SRPK2: variants seen among roughly 807,000 people sequenced by gnomAD.
SRPK2 encodes the protein SFRS protein kinase 2.
SRPK2 carries 21 observed loss-of-function variants against 90.8 expected under a neutral mutation model. The ratio of observed to expected loss-of-function variants is 0.23; its 90% CI spans 0.16 to 0.33. The LOEUF (loss-of-function observed/expected upper bound fraction) is 0.33, where lower values mean the gene tolerates loss of function less well. Among genes scored for constraint, SRPK2 ranks in the 10% least tolerant of loss-of-function variants. The pLI is 1.00. For synonymous variants in SRPK2, 288 were observed against 311.1 expected (o/e 0.93, Z 0.78); for missense variants, 620 against 869.0 (o/e 0.71, Z 3.60).
At chr7:105,347,624 CG>C (rs1043889232) in intron 2 of SRPK2, among the ~76,000 whole-genome samples, 8 of 151,716 alleles carry the variant, frequency 5.3e-5, no homozygotes, top group Admixed American at 1.3e-4. Flanking sequence ...GAGACTGAGG[CG>C]GGAGGATCGC....
intron 15 of SRPK2, 62 bp downstream of exon 15, chr7:105,126,186 T>G: frequency 7.6e-7 from 1 of 1,321,076 alleles, no homozygotes; most frequent in Non-Finnish European, 1.1e-6. Context: ...AATGCTAAAA[T>G]CAGCAGCTGC....
At chr7:105,358,948 A>AG in intron 2 of SRPK2, among the ~76,000 whole-genome samples, 1 of 151,700 alleles carries the variant, frequency 6.6e-6, no homozygotes, top group Admixed American at 6.6e-5. Flanking sequence ...AGAGAGAGAG[A>AG]AAGCAAGAGT....
chr7:105,125,975 G>A (rs1037313469), intron 15 of SRPK2: 25 of 691,006 alleles, frequency 3.6e-5, no homozygotes, highest in African/African-American at 1.6e-4. Context: ...GAAACAGAGC[G>A]CAACTTGAAT....
chr7:105,138,830 C>G (rs1803270693), intron 11 of SRPK2, among the ~76,000 whole-genome samples: 1 of 152,118 alleles, frequency 6.6e-6, no homozygotes. Flanking sequence ...TAGTGCTATT[C>G]TTACACGTTG....
At chr7:105,187,760 A>C (rs892155125) in intron 3 of SRPK2, among the ~76,000 whole-genome samples, 7 of 152,320 alleles carry the variant, frequency 4.6e-5, no homozygotes, top group African/African-American at 1.7e-4. Context: ...CTCATGGTGA[A>C]TATGCGTGGT....
At chr7:105,388,591 CG>C in intron 2 of SRPK2, 56 bp downstream of exon 2, 1 of 1,508,164 alleles carries the variant, frequency 6.6e-7, no homozygotes, top group Non-Finnish European at 9.0e-7. Flanking sequence ...TGCGCGGCCG[CG>C]GGCGCCCCCG....
intron 3 of SRPK2, among the ~76,000 whole-genome samples, chr7:105,178,974 G>A (rs1202210490): frequency 2.0e-5 from 3 of 152,070 alleles, no homozygotes; most frequent in Non-Finnish European, 4.4e-5. Flanking sequence ...ATGCTGTGGT[G>A]AATGTAAATT....
At chr7:105,284,909 T>C (rs1303877860) in intron 2 of SRPK2, among the ~76,000 whole-genome samples, 1 of 152,156 alleles carries the variant, frequency 6.6e-6, no homozygotes. Flanking sequence ...CAACTAAAAA[T>C]CTAAACTCGT....
At chr7:105,324,158 G>A (rs1370446983) in intron 2 of SRPK2, among the ~76,000 whole-genome samples, 2 of 151,372 alleles carry the variant, frequency 1.3e-5, no homozygotes, top group Non-Finnish European at 2.9e-5. Context: ...CACCATGCCC[G>A]GGTAATTATA....
chr7:105,167,556 A>AT, intron 5 of SRPK2, 92 bp from the exon 6 acceptor site: 1 of 645,498 alleles, frequency 1.5e-6, no homozygotes, highest in South Asian at 3.1e-5. Context: ...ATAAAAGTAT[A>AT]TTTTAAAATA....
chr7:105,146,748 AG>A (rs1329280294), intron 7 of SRPK2, 90 bp from the exon 8 acceptor site: 2 of 1,340,782 alleles, frequency 1.5e-6, no homozygotes, highest in Admixed American at 2.0e-5. Flanking sequence ...ATACAATGCC[AG>A]GGTACAAAGT....
chr7:105,213,318 G>A (rs559377237), intron 2 of SRPK2, among the ~76,000 whole-genome samples: 1 of 152,310 alleles, frequency 6.6e-6, no homozygotes, highest in Non-Finnish European at 1.5e-5. Flanking sequence ...GGTAGGGATT[G>A]CTTGATATAT....
At position 105,160,564 on chromosome 7, in the gene SRPK2, G is replaced by A. The variant is rs536534344; in HGVS notation, c.564C>T (p.Ile188=). ...EVLGHHLLKW[I]IKSNYQGLPV... ...GGAGGCCTTGATAGTTGGATTTGAT[G>A]ATCCACTTGAGGAGATGGTGGCCAA... The change falls in exon 7 of 16, where the codon ATC becomes ATT. Residue 188 remains isoleucine, a synonymous_variant. Coordinates refer to ENST00000393651, the MANE Select transcript of SRPK2 (RefSeq NM_182692.3). 3.1e-6 allele frequency: 5 copies of A among 1,613,880 alleles called. No individual in the cohort carries two copies. In the South Asian group the frequency reaches 5.5e-5, roughly 18 times the overall value.
At chr7:105,182,737 G>A (rs1198514208) in intron 3 of SRPK2, among the ~76,000 whole-genome samples, 1 of 152,120 alleles carries the variant, frequency 6.6e-6, no homozygotes, top group African/African-American at 2.4e-5. Context: ...CAAAGTGCTG[G>A]GATTACAGGC....
rs74613768 is a variant in SRPK2, at chr7:105,147,081, G to C, written c.622-423C>G. 2.3e-3 allele frequency among the ~76,000 whole-genome samples: 343 copies of C among 152,196 alleles called. 10 individuals carry two copies. The East Asian group carries it at 0.056, about 25-fold the overall frequency. ...ATATGATCTATCCACTTAATGAATAGTAAGTATATTTTCTCTTCTTTATGA... is the reference window on the plus strand; with the variant it reads ...ATATGATCTATCCACTTAATGAATACTAAGTATATTTTCTCTTCTTTATGA... On this transcript the variant is annotated intron_variant, in intron 7 of 15. Coordinates refer to ENST00000393651, the MANE Select transcript of SRPK2 (RefSeq NM_182692.3).
At chr7:105,165,733 G>T (rs951724442) in intron 6 of SRPK2, among the ~76,000 whole-genome samples, 1 of 152,210 alleles carries the variant, frequency 6.6e-6, no homozygotes, top group East Asian at 1.9e-4. Flanking sequence ...ACGGACAAAT[G>T]AGGGAATAAA....
intron 7 of SRPK2, among the ~76,000 whole-genome samples, chr7:105,156,897 T>C (rs1462818642): frequency 2.0e-5 from 3 of 152,172 alleles, no homozygotes; most frequent in East Asian, 3.9e-4. Context: ...ATGTAGGGTA[T>C]ATTTGATGCC....
chr7:105,158,400 G>A (rs1323412418), intron 7 of SRPK2, among the ~76,000 whole-genome samples: 3 of 152,230 alleles, frequency 2.0e-5, no homozygotes, highest in Non-Finnish European at 2.9e-5. Flanking sequence ...GATTACAGGC[G>A]TGTGCCACCA....
At chr7:105,298,821 G>A (rs1810178212) in intron 2 of SRPK2, 1 of 982,864 alleles carries the variant, frequency 1.0e-6, no homozygotes, top group East Asian at 1.1e-4. Flanking sequence ...ACGCAGCCCT[G>A]CATCACAATG....
Sources: allele counts gnomAD v4.1 joint callset (sites outside exome capture counted in the v4.1 genomes callset), GRCh38; gene constraint gnomAD v4.1.1; transcripts MANE v1.5; gene names NCBI Gene and HGNC (gene_info 2026-07-23, HGNC 2026-07-21).